CRYZ: variants seen among roughly 807,000 people sequenced by gnomAD.
CRYZ encodes crystallin zeta.
In CRYZ, 35 loss-of-function variants were observed where a neutral mutation model predicts 34.1. The observed-to-expected ratio is 1.03, with a 90% confidence interval of 0.78 to 1.36. The LOEUF (loss-of-function observed/expected upper bound fraction) is 1.36, where lower values mean the gene tolerates loss of function less well. Among genes scored for constraint, CRYZ ranks in the 40% most tolerant of loss-of-function variants. The pLI, the probability that CRYZ is intolerant of heterozygous loss-of-function variation, is 0.00. For missense variants in CRYZ, 403 were observed against 391.8 expected, an observed-to-expected ratio of 1.03 and a Z score of -0.24; for synonymous variants, 137 against 136.5, an observed-to-expected ratio of 1.00 and a Z score of -0.03.
intron 1 of CRYZ, 87 bp from the exon 2 acceptor site, chr1:74,724,921 AT>A (rs1281050733): frequency 3.0e-6 from 2 of 673,736 alleles, no homozygotes; most frequent in South Asian, 4.0e-5. Flanking sequence ...AGATCAAACA[AT>A]TTTTTCAAAT....
intron 5 of CRYZ, among the ~76,000 whole-genome samples, chr1:74,712,960 T>C (rs1647024503): frequency 6.6e-6 from 1 of 152,190 alleles, no homozygotes; most frequent in Non-Finnish European, 1.5e-5. Flanking sequence ...CTCACCAACA[T>C]ATCTGGATAA....
rs777759539 is a variant in CRYZ, at chr1:74,706,298, A to G, written c.988T>C (p.Ter330ArgextTer1). The G allele has an allele frequency of 3.1e-6, 5 of 1,602,582 alleles. No individual in the cohort carries two copies. Among genetic ancestry groups the G allele is most frequent in the Non-Finnish European group, 4.3e-6 (5 of 1,175,884 alleles). Reference sequence around the variant, plus strand: ...GAAATCCATGAAAGAATTAATCATCATAAGAGAAGAATCATTTTTCCAGTA... The same window carrying G: ...GAAATCCATGAAAGAATTAATCATCGTAAGAGAAGAATCATTTTTCCAGTA... The part of the protein sequence containing the change: ...GATGKMILLL[*>R] The change falls in exon 9 of 9, where the codon TGA (stop) becomes CGA (arginine). Residue 330 changes from the stop codon to arginine, a stop_lost. Transcript: ENST00000340866.
chr1:74,723,958 A>C (rs2100724633), intron 2 of CRYZ, among the ~76,000 whole-genome samples: 1 of 152,366 alleles, frequency 6.6e-6, no homozygotes, highest in Non-Finnish European at 1.5e-5. Context: ...AAGTAAGGGA[A>C]GGCTTTATAA....
intron 5 of CRYZ, 107 bp from the exon 6 acceptor site, chr1:74,710,354 G>T: frequency 2.0e-6 from 2 of 1,006,056 alleles, no homozygotes; most frequent in Non-Finnish European, 2.8e-6. Context: ...CTAACTTTAA[G>T]GAACTTAAGA....
At chr1:74,707,368 G>A in intron 6 of CRYZ, 164 bp from the exon 7 acceptor site, 1 of 501,514 alleles carries the variant, frequency 2.0e-6, no homozygotes. Flanking sequence ...ATATAATCAC[G>A]ATGTAATTCC....
At chr1:74,724,962 T>C (rs1647260357) in intron 1 of CRYZ, 128 bp from the exon 2 acceptor site, 1 of 568,148 alleles carries the variant, frequency 1.8e-6, no homozygotes, top group African/African-American at 1.9e-5. Flanking sequence ...TTACCACTGA[T>C]CTCATTTCAT....
Position 74,706,401 on chromosome 1 carries a change from C to T in CRYZ, c.885G>A (p.Leu295=). The change falls in exon 9 of 9, where the codon TTG becomes TTA. Residue 295 remains leucine (L), a synonymous_variant. Coordinates refer to ENST00000340866, the MANE Select transcript of CRYZ (RefSeq NM_001889.4). The part of the protein sequence containing the change: ...ALQAGMEIGW[L]KPVIGSQYPL... ...GATATTGAGAACCTATCACAGGTTT[C>T]AACCAGCCAATTTCCATTCCAGCTT... The T allele has an allele frequency of 6.2e-7, 1 of 1,612,306 alleles. No homozygotes were observed.
intron 3 of CRYZ, among the ~76,000 whole-genome samples, chr1:74,721,307 G>C (rs1214881435): frequency 6.6e-6 from 1 of 152,144 alleles, no homozygotes; most frequent in Non-Finnish European, 1.5e-5. Flanking sequence ...AGATGAGAGA[G>C]CATGGGATGT....
rs557337050 is a variant in CRYZ, at chr1:74,718,568, A to G, written c.428+641T>C. 5.3e-5 allele frequency among the ~76,000 whole-genome samples: 8 copies of G among 152,202 alleles called. No individual in the cohort carries two copies. In the South Asian group the frequency reaches 1.7e-3, roughly 32 times the overall value. The stretch of plus-strand genomic sequence containing the variant: ...CTCTTGAAATCTCTTCTCTAACAAA[A>G]TCAAGTTTCTATAGCTGTTCCCACA... On this transcript the variant is annotated intron_variant, in intron 4 of 8. Coordinates refer to ENST00000340866, the MANE Select transcript of CRYZ (RefSeq NM_001889.4).
chr1:74,716,366 T>C (rs987899315), intron 4 of CRYZ, among the ~76,000 whole-genome samples: 2 of 152,168 alleles, frequency 1.3e-5, no homozygotes, highest in Non-Finnish European at 2.9e-5. Flanking sequence ...GAACCCTGAC[T>C]AATACAGTCA....
Position 74,706,230 on chromosome 1 carries a change from G to C in CRYZ, c.*66C>G. The C allele has an allele frequency of 3.1e-6, 4 of 1,303,898 alleles. No homozygotes were observed. The highest frequency in any genetic ancestry group is 4.1e-6 in the Non-Finnish European group (4 of 964,174). The allele number at this position is 1,303,898 out of a possible 1,614,324, so 80.8% of individuals were successfully genotyped here. On this transcript the variant is annotated 3_prime_UTR_variant, in exon 9 of 9. Transcript: ENST00000340866. ...CGAATGTTAATTAAAGAAAAGATAGGGTAAGTACAACTGGGGGAAAGACAG... is the reference window on the plus strand; with the variant it reads ...CGAATGTTAATTAAAGAAAAGATAGCGTAAGTACAACTGGGGGAAAGACAG...
At chr1:74,707,501 A>C in intron 6 of CRYZ, 1 of 184,472 alleles carries the variant, frequency 5.4e-6, no homozygotes, top group East Asian at 1.3e-4. Context: ...TACTTAGCTG[A>C]AAATTTTCTA....
chr1:74,732,971 G>T lies in CRYZ; in HGVS notation c.-29C>A. The T allele has an allele frequency of 2.1e-6, 1 of 466,308 alleles. No homozygotes were observed. The highest frequency in any genetic ancestry group is 3.8e-6 in the Non-Finnish European group (1 of 263,202). 28.9% of individuals were successfully genotyped at this position (466,308 alleles called of 1,614,324 possible). ...AACCACTTACCAGAATCTAGAGTGG[G>T]AATTAAAATCTGCGTGGGCTTCTTC... On this transcript the variant is annotated 5_prime_UTR_variant, in exon 1 of 9. Coordinates refer to ENST00000340866, the MANE Select transcript of CRYZ (RefSeq NM_001889.4).
At chr1:74,715,591 C>T (rs766756967) in intron 4 of CRYZ, among the ~76,000 whole-genome samples, 1 of 152,174 alleles carries the variant, frequency 6.6e-6, no homozygotes, top group Non-Finnish European at 1.5e-5. Flanking sequence ...CTCCCACACT[C>T]TTGCTTAGAG....
chr1:74,723,834 A>T (rs1647211581), intron 2 of CRYZ, among the ~76,000 whole-genome samples: 1 of 152,202 alleles, frequency 6.6e-6, no homozygotes, highest in Non-Finnish European at 1.5e-5. Flanking sequence ...GAACTTTTAA[A>T]TTTAGTGTAT....
At chr1:74,725,668 G>C (rs1647299035) in intron 1 of CRYZ, among the ~76,000 whole-genome samples, 1 of 152,054 alleles carries the variant, frequency 6.6e-6, no homozygotes, top group African/African-American at 2.4e-5. Flanking sequence ...CTTCCCAACA[G>C]TCTCCCAAAA....
intron 3 of CRYZ, 116 bp from the exon 4 acceptor site, chr1:74,719,488 C>A: frequency 1.1e-6 from 1 of 912,512 alleles, no homozygotes; most frequent in Non-Finnish European, 1.6e-6. Flanking sequence ...TCTATAGGGT[C>A]TCATATAAAT....
chr1:74,732,614 GGTGCAGCGT>G (rs1647877293), intron 1 of CRYZ, among the ~76,000 whole-genome samples: 1 of 50,210 alleles, frequency 2.0e-5, no homozygotes. Context: ...GGGGGGGGGG[GGTGCAGCGT>G]GGGGCTGGGG....
In CRYZ at chr1:74,715,227, T is replaced by C. The variant is rs145450897; in HGVS notation, c.429-597A>G. 2.7e-3 allele frequency among the ~76,000 whole-genome samples: 414 copies of C among 152,278 alleles called. 3 individuals carry two copies. Among genetic ancestry groups the C allele is most frequent in the African/African-American group, 9.5e-3 (396 of 41,552 alleles). On this transcript the variant is annotated intron_variant, in intron 4 of 8. Coordinates refer to ENST00000340866, the MANE Select transcript of CRYZ (RefSeq NM_001889.4). ...TTCTATCACAAAGATTCCCATGTCA[T>C]CCCCCTGAAATGTCCAGATTCTCTG...
Sources: gnomAD v4.1 joint callset for allele counts (sites outside exome capture counted in the v4.1 genomes callset) on GRCh38, gnomAD v4.1.1 for gene constraint, MANE v1.5 for transcripts, NCBI Gene and HGNC (gene_info 2026-07-23, HGNC 2026-07-21) for gene names.